The following NUP43 variants were observed in gnomAD, a reference collection of about 807,000 sequenced individuals.
NUP43 encodes the protein nucleoporin 43, also known as nucleoporin Nup43.
NUP43 carries 32 observed loss-of-function variants against 47.3 expected under a neutral mutation model. The observed-to-expected ratio is 0.68, with a 90% CI of 0.51 to 0.91. The LOEUF (loss-of-function observed/expected upper bound fraction) is 0.91. Ranked by LOEUF, NUP43 falls within the 40% of genes least tolerant of loss-of-function variation. NUP43 has a pLI of 0.00. For missense variants in NUP43, 444 were observed against 453.9 expected, an observed-to-expected ratio of 0.98 and a Z score of 0.20; for synonymous variants, 147 against 158.4, an observed-to-expected ratio of 0.93 and a Z score of 0.54.
At chr6:149,739,244 C>T (rs1241251951) in intron 4 of NUP43, among the ~76,000 whole-genome samples, 1 of 151,970 alleles carries the variant, frequency 6.6e-6, no homozygotes, top group Non-Finnish European at 1.5e-5. Flanking sequence ...TCCCAAAATG[C>T]TGGGATTACA....
chr6:149,746,541 G>C (rs769002843), upstream of NUP43: 3 of 1,613,804 alleles, frequency 1.9e-6, no homozygotes, highest in Non-Finnish European at 2.5e-6. Context: ...AGCACAGTAC[G>C]CGCCTCTCAG....
At chr6:149,741,983 T>G (rs1340736968) in intron 4 of NUP43, among the ~76,000 whole-genome samples, 1 of 149,410 alleles carries the variant, frequency 6.7e-6, no homozygotes, top group East Asian at 2.0e-4. Context: ...CTCAGCCTCC[T>G]GAGTAGCTGG....
chr6:149,745,822 G>C (rs544608375), intron 2 of NUP43, 118 bp downstream of exon 2: 3 of 813,406 alleles, frequency 3.7e-6, no homozygotes, highest in Non-Finnish European at 5.6e-6. Flanking sequence ...ATAACTTACA[G>C]AGCACTCAGT....
chr6:149,738,536 C>T (rs1156836242), intron 5 of NUP43, 107 bp downstream of exon 5: 8 of 786,230 alleles, frequency 1.0e-5, no homozygotes, highest in East Asian at 3.0e-5. Context: ...AGGGATCTCC[C>T]TCTTAAAATG....
At chr6:149,729,652 G>C (rs1784936655) in intron 7 of NUP43, 1 of 412,498 alleles carries the variant, frequency 2.4e-6, no homozygotes, top group Non-Finnish European at 3.3e-6. Context: ...TGTTTTCCCA[G>C]CCCTTCTAAC....
intron 6 of NUP43, among the ~76,000 whole-genome samples, chr6:149,733,435 A>G (rs1267328078): frequency 6.6e-6 from 1 of 152,100 alleles, no homozygotes; most frequent in African/African-American, 2.4e-5. Flanking sequence ...ACATAATTCA[A>G]CTCAAAGAAA....
intron 7 of NUP43, chr6:149,729,583 A>T: frequency 1.0e-6 from 1 of 954,924 alleles, no homozygotes; most frequent in East Asian, 1.2e-4. Context: ...AACAATTACT[A>T]TTTCTGGGTT....
chr6:149,736,631 G>A lies in NUP43; in HGVS notation c.639-9C>T, dbSNP rs1320244505. 2 of 1,568,476 alleles carry A rather than the reference G, an allele frequency of 1.3e-6. No individual in the cohort carries two copies. Among genetic ancestry groups the A allele is most frequent in the African/African-American group, 1.3e-5 (1 of 74,142 alleles). ...GCACTCGGTCACCAGTCCTTTTGTG[G>A]GAGATAACAATGACGTCAAAATCAA... On this transcript the variant is annotated splice_polypyrimidine_tract_variant and intron_variant, in intron 5 of 7. Transcript: ENST00000340413.
At chr6:149,744,812 G>A (rs1274770629) in intron 2 of NUP43, among the ~76,000 whole-genome samples, 4 of 151,648 alleles carry the variant, frequency 2.6e-5, no homozygotes, top group Non-Finnish European at 5.9e-5. Context: ...CTCCAGCTCG[G>A]GTGACAGTAT....
chr6:149,740,242 C>G (rs560549605), intron 4 of NUP43, among the ~76,000 whole-genome samples: 136 of 142,818 alleles, frequency 9.5e-4, no homozygotes, highest in African/African-American at 2.9e-3. Context: ...TGCCACTGCA[C>G]TCCAGCCTGG....
At chr6:149,746,745 T>C (rs1379308710), upstream of NUP43, 1 of 1,334,294 alleles carries the variant, frequency 7.5e-7, no homozygotes. Flanking sequence ...TTGCTCCTAA[T>C]CTGCAATGTC....
Position 149,726,639 on chromosome 6 carries a change from G to A in NUP43, c.*330C>T. ...GGTAGTTCCCATAACCACCATTGATGTGTTAATTCCCACAACATCAAAAAT... is the reference window on the plus strand; with the variant it reads ...GGTAGTTCCCATAACCACCATTGATATGTTAATTCCCACAACATCAAAAAT... On this transcript the variant is annotated 3_prime_UTR_variant, in exon 8 of 8. Transcript: ENST00000340413. The A allele has an allele frequency of 3.1e-6, 1 of 321,124 alleles. No homozygotes were observed. The highest frequency in any genetic ancestry group is 3.3e-5 in the South Asian group (1 of 30,330). 19.9% of individuals were successfully genotyped at this position (321,124 alleles called of 1,614,324 possible).
intron 7 of NUP43, among the ~76,000 whole-genome samples, chr6:149,729,181 G>A (rs1582957962): frequency 6.6e-6 from 1 of 152,230 alleles, no homozygotes; most frequent in Non-Finnish European, 1.5e-5. Flanking sequence ...AGTAGACACA[G>A]GGTTTCACCA....
chr6:149,746,013 G>C lies in NUP43; in HGVS notation c.170C>G (p.Ser57Cys), dbSNP rs751795104. Residue 57 changes from serine (S) to cysteine (C), a missense_variant, in exon 2 of 8, where the codon TCT becomes TGT. Ser to Cys is a moderately radical substitution (Grantham distance 112). Transcript: ENST00000340413. Reference sequence around the variant, plus strand: ...ATGGTCTCCTTCAAACCCTCCATCAGAGTCCAAGTTTCCAAAATCTCCAAT... The same window carrying C: ...ATGGTCTCCTTCAAACCCTCCATCACAGTCCAAGTTTCCAAAATCTCCAAT... ...WSIGDFGNLD[S>C]DGGFEGDHQL... 6.2e-7 allele frequency: 1 copy of C among 1,613,678 alleles called. No homozygotes were observed. Among genetic ancestry groups the C allele is most frequent in the Non-Finnish European group, 8.5e-7 (1 of 1,179,678 alleles).
chr6:149,741,434 A>AAGGTGCTGGGATTATAGGCGTC (rs1785648569), intron 4 of NUP43, among the ~76,000 whole-genome samples: 1 of 152,120 alleles, frequency 6.6e-6, no homozygotes, highest in Non-Finnish European at 1.5e-5. Context: ...TTTGCCTCCT[A>AAGGTGCTGGGATTATAGGCGTC]AGGTGCTGGG....
intron 6 of NUP43, among the ~76,000 whole-genome samples, chr6:149,733,727 T>C (rs927251701): frequency 1.3e-5 from 2 of 152,138 alleles, no homozygotes; most frequent in African/African-American, 4.8e-5. Context: ...ATTACAGGCA[T>C]GAACTACCGT....
At chr6:149,733,725 C>T (rs1785175702) in intron 6 of NUP43, among the ~76,000 whole-genome samples, 2 of 152,112 alleles carry the variant, frequency 1.3e-5, no homozygotes, top group Non-Finnish European at 2.9e-5. Flanking sequence ...AAATTACAGG[C>T]ATGAACTACC....
chr6:149,739,402 T>A (rs182302361), intron 4 of NUP43, among the ~76,000 whole-genome samples: 3 of 152,212 alleles, frequency 2.0e-5, no homozygotes, highest in Admixed American at 6.6e-5. Flanking sequence ...TTCTCTTGCC[T>A]CGGCCTCTCT....
intron 7 of NUP43, chr6:149,728,154 A>G: frequency 1.0e-6 from 1 of 985,244 alleles, no homozygotes; most frequent in Non-Finnish European, 1.2e-6. Flanking sequence ...CAATTCTTAT[A>G]TCCTAATTGA....
Sources: gnomAD v4.1 joint callset for allele counts (sites outside exome capture counted in the v4.1 genomes callset) on GRCh38, gnomAD v4.1.1 for gene constraint, MANE v1.5 for transcripts, NCBI Gene and HGNC (gene_info 2026-07-23, HGNC 2026-07-21) for gene names.